GAL: variants seen among roughly 807,000 people sequenced by gnomAD.
GAL encodes galanin peptides.
In GAL, 14 loss-of-function variants were observed where a neutral mutation model predicts 15.8. That is an observed-to-expected ratio of 0.89 (90% CI 0.59 to 1.39). The LOEUF (loss-of-function observed/expected upper bound fraction) is 1.39, where lower values mean the gene tolerates loss of function less well. Among genes scored for constraint, GAL ranks in the 40% most tolerant of loss-of-function variants. The pLI is 0.00. For synonymous variants in GAL, 79 were observed against 73.8 expected, an observed-to-expected ratio of 1.07 and a Z score of -0.36; for missense variants, 176 against 170.4, an observed-to-expected ratio of 1.03 and a Z score of -0.18.
At chr11:68,686,251 C>G (rs530777471) in intron 3 of GAL, among the ~76,000 whole-genome samples, 6 of 152,324 alleles carry the variant, frequency 3.9e-5, no homozygotes, top group South Asian at 2.1e-4. Context: ...TGTCCGCCCC[C>G]GCCCCTGTCC....
intron 5 of GAL, 24 bp from the exon 6 acceptor site, chr11:68,690,893 C>G: frequency 6.5e-7 from 1 of 1,534,572 alleles, no homozygotes; most frequent in Non-Finnish European, 9.0e-7. Context: ...AGTTGCTGCT[C>G]AGATGTGGCT....
At chr11:68,688,209 C>G in intron 4 of GAL, 109 bp downstream of exon 4, 1 of 721,644 alleles carries the variant, frequency 1.4e-6, no homozygotes, top group South Asian at 1.6e-5. Context: ...GCAGCCCAAG[C>G]CTGGCCATGA....
At chr11:68,685,149 G>T (rs1193875194) in intron 2 of GAL, 145 bp downstream of exon 2, 2 of 621,270 alleles carry the variant, frequency 3.2e-6, no homozygotes, top group Non-Finnish European at 5.7e-6. Flanking sequence ...GGCTGCGGGC[G>T]TCGCGGGAAG....
chr11:68,690,199 G>T (rs1945892425), intron 5 of GAL, among the ~76,000 whole-genome samples: 1 of 152,026 alleles, frequency 6.6e-6, no homozygotes, highest in East Asian at 1.9e-4. Flanking sequence ...CTCTCCAGTG[G>T]AGAAGACCTT....
At position 68,684,732 on chromosome 11, in the gene GAL, G is replaced by A. The variant is rs1003700249; in HGVS notation, c.-1G>A. 4 of 482,518 alleles carry A rather than the reference G, an allele frequency of 8.3e-6. No individual in the cohort carries two copies. The highest frequency in any genetic ancestry group is 6.5e-5 in the South Asian group (2 of 30,742). 29.9% of individuals were successfully genotyped at this position (482,518 alleles called of 1,614,324 possible). A position where few individuals can be genotyped will look rare whatever the true frequency, so the allele number is the denominator to read the frequency against. ...GAACCCGGGCGCAGCCGCAGCTCAA[G>A]GTACTACTGGCGCCGGGCCGACCCT... On this transcript the variant is annotated splice_region_variant and 5_prime_UTR_variant, in exon 1 of 6. Transcript: ENST00000265643.
rs147102890 is a variant in GAL at position 68,689,677 on chromosome 11, G to A, written c.301+751G>A. Among the ~76,000 whole-genome samples the A allele has an allele frequency of 1.9e-4, 29 of 152,308 alleles. No individual in the cohort carries two copies. In the East Asian group the frequency reaches 2.3e-3, roughly 12 times the overall value. Reference sequence around the variant, plus strand: ...CTCCCAAAGTGCTGGGATTACAGGCGTGAGCCACTGTGCCTGGCCCTAAAC... The same window carrying A: ...CTCCCAAAGTGCTGGGATTACAGGCATGAGCCACTGTGCCTGGCCCTAAAC... On this transcript the variant is annotated intron_variant, in intron 5 of 5. Coordinates refer to ENST00000265643, the MANE Select transcript of GAL (RefSeq NM_015973.5).
intron 3 of GAL, among the ~76,000 whole-genome samples, chr11:68,686,512 A>C (rs902678524): frequency 6.6e-6 from 1 of 152,198 alleles, no homozygotes; most frequent in Non-Finnish European, 1.5e-5. Context: ...ATGCCAAGGA[A>C]AGCTGACTTA....
At chr11:68,687,968 G>T (rs1202298018) in intron 3 of GAL, 46 bp from the exon 4 acceptor site, 1 of 1,201,172 alleles carries the variant, frequency 8.3e-7, no homozygotes, top group East Asian at 2.3e-5. Flanking sequence ...GGGAGGGCGT[G>T]CATGACAGTC....
chr11:68,684,742 G>A lies in GAL; in HGVS notation c.-1+10G>A. Reference sequence around the variant, plus strand: ...GCAGCCGCAGCTCAAGGTACTACTGGCGCCGGGCCGACCCTGCGCCCCCGG... The same window carrying A: ...GCAGCCGCAGCTCAAGGTACTACTGACGCCGGGCCGACCCTGCGCCCCCGG... On this transcript the variant is annotated intron_variant, in intron 1 of 5. Coordinates refer to ENST00000265643, the MANE Select transcript of GAL (RefSeq NM_015973.5). The A allele has an allele frequency of 2.0e-6, 1 of 510,592 alleles. No homozygotes were observed. The highest frequency in any genetic ancestry group is 2.7e-5 in the South Asian group (1 of 36,608). 31.6% of individuals were successfully genotyped at this position (510,592 alleles called of 1,614,324 possible).
rs762777313 is a variant in GAL at position 68,688,012 on chromosome 11, A to G, written c.137-2A>G. On this transcript the variant is annotated splice_acceptor_variant, in intron 3 of 5. Coordinates refer to ENST00000265643, the MANE Select transcript of GAL (RefSeq NM_015973.5). LOFTEE classifies it high-confidence loss of function. ...AGGCTTTCCTCTCTGATCTGCAAAC[A>G]GATGCCGTTGGCAACCACAGGTCAT... 15 of 1,602,724 alleles carry G rather than the reference A, an allele frequency of 9.4e-6. No homozygotes were observed. The African/African-American group carries it at 1.5e-4, about 16-fold the overall frequency.
At chr11:68,685,307 G>A (rs1455763420) in intron 2 of GAL, among the ~76,000 whole-genome samples, 1 of 152,276 alleles carries the variant, frequency 6.6e-6, no homozygotes, top group African/African-American at 2.4e-5. Context: ...GGCTTAGTTA[G>A]AATGGAGGGC....
At position 68,684,575 on chromosome 11, in the gene GAL, G is replaced by A. The variant is rs1322530155; in HGVS notation, c.-158G>A. ...GGCGGCGGACACGTGGAGGGACCCG[G>A]CCCGCGCCTTCTGCCCCTGCTGCCG... On this transcript the variant is annotated 5_prime_UTR_variant, in exon 1 of 6. Coordinates refer to ENST00000265643, the MANE Select transcript of GAL (RefSeq NM_015973.5). The A allele has an allele frequency of 1.0e-5, 2 of 197,874 alleles. No homozygotes were observed. Among genetic ancestry groups the A allele is most frequent in the Non-Finnish European group, 2.0e-5 (2 of 98,242 alleles). The allele number at this position is 197,874 out of a possible 1,614,324, so 12.3% of individuals were successfully genotyped here.
At chr11:68,685,844 G>A (rs1594274052) in intron 3 of GAL, among the ~76,000 whole-genome samples, 196 bp downstream of exon 3, 1 of 152,134 alleles carries the variant, frequency 6.6e-6, no homozygotes, top group African/African-American at 2.4e-5. Flanking sequence ...CGGCTCTGCC[G>A]CCCTGTCCCG....
At chr11:68,687,616 G>T (rs1343258430) in intron 3 of GAL, among the ~76,000 whole-genome samples, 2 of 152,092 alleles carry the variant, frequency 1.3e-5, no homozygotes, top group Non-Finnish European at 1.5e-5. Context: ...ATGCTTTCAG[G>T]GACATGAGGA....
chr11:68,688,066 G>C lies in GAL; in HGVS notation c.189G>C (p.Lys63Asn). ...GCGACAAGAATGGCCTCACCAGCAA[G>C]CGGGAGCTGCGGCCCGAAGATGACA... ...SFSDKNGLTSKRELRPEDDMK... is the reference protein window; with the variant it reads ...SFSDKNGLTSNRELRPEDDMK... The change falls in exon 4 of 6, where the codon AAG (lysine) becomes AAC (asparagine). Residue 63 changes from lysine (K) to asparagine (N), a missense_variant. Transcript: ENST00000265643. 1 of 1,612,936 alleles carries C rather than the reference G, an allele frequency of 6.2e-7. No individual in the cohort carries two copies. Among genetic ancestry groups the C allele is most frequent in the Non-Finnish European group, 8.5e-7 (1 of 1,179,120 alleles).
Position 68,686,655 on chromosome 11 carries a change from C to T in GAL, c.136+1007C>T, listed in dbSNP as rs199514168. On this transcript the variant is annotated intron_variant, in intron 3 of 5. Transcript: ENST00000265643. Reference sequence around the variant, plus strand: ...TGACAGAGCCGCCTGAGGCCGCGTGCGGATCGGTCCAGGCTGTTCACCACA... The same window carrying T: ...TGACAGAGCCGCCTGAGGCCGCGTGTGGATCGGTCCAGGCTGTTCACCACA... Among the ~76,000 whole-genome samples, 8 of 152,298 alleles carry T rather than the reference C, an allele frequency of 5.3e-5. No individual in the cohort carries two copies. The East Asian group carries it at 1.5e-3, about 29-fold the overall frequency.
intron 3 of GAL, among the ~76,000 whole-genome samples, chr11:68,685,992 C>A (rs1945849170): frequency 6.6e-6 from 1 of 152,182 alleles, no homozygotes; most frequent in Non-Finnish European, 1.5e-5. Flanking sequence ...TGCAGAGCAC[C>A]CTAGGTCAGC....
intron 3 of GAL, among the ~76,000 whole-genome samples, chr11:68,687,436 C>T (rs781154204): frequency 1.1e-4 from 16 of 152,206 alleles, no homozygotes; most frequent in South Asian, 2.1e-4. Flanking sequence ...CACACGGGAA[C>T]GCACACACGC....
At chr11:68,686,301 A>G (rs1293942426) in intron 3 of GAL, among the ~76,000 whole-genome samples, 1 of 152,082 alleles carries the variant, frequency 6.6e-6, no homozygotes, top group Non-Finnish European at 1.5e-5. Flanking sequence ...CTGTGCAGCA[A>G]TGCCTTCTGA....
Sources: allele counts gnomAD v4.1 joint callset (sites outside exome capture counted in the v4.1 genomes callset), GRCh38; gene constraint gnomAD v4.1.1; transcripts MANE v1.5; gene names NCBI Gene and HGNC (gene_info 2026-07-23, HGNC 2026-07-21).